Variants in EDA observed in about 807,000 individuals in gnomAD.
The protein encoded by EDA is ectodysplasin-A.
In EDA, 2 loss-of-function variants were observed where a neutral mutation model predicts 23.6. The ratio of observed to expected loss-of-function variants is 0.08; its 90% confidence interval spans 0.03 to 0.27. The LOEUF (loss-of-function observed/expected upper bound fraction) is 0.27. EDA is among the 10% of genes least tolerant of loss of function. The probability of loss-of-function intolerance (pLI) is 1.00; values close to 1 mark genes in which losing one functional copy is unlikely to be tolerated. For synonymous variants in EDA, 131 were observed against 132.0 expected (o/e 0.99, Z 0.05); for missense variants, 229 against 324.2 (o/e 0.71, Z 2.26).
At chrX:69,765,084 A>G (rs1438263727) in intron 1 of EDA, among the ~76,000 whole-genome samples, 5 of 112,167 alleles carry the variant, frequency 4.5e-5, no homozygotes, top group Non-Finnish European at 9.4e-5. Context: ...AAGAAGAGGG[A>G]CAATCATTTA....
intron 2 of EDA, among the ~76,000 whole-genome samples, chrX:69,988,373 TGTACATTTTTAAATAACCAAAAGA>T (rs1181181011): frequency 1.8e-5 from 2 of 111,835 alleles, no homozygotes; most frequent in Non-Finnish European, 3.8e-5. Flanking sequence ...ATAATTTAAC[TGTACATTTTTAAATAACCAAAAGA>T]GTATAAGTGG....
chrX:69,842,776 T>G, intron 1 of EDA, among the ~76,000 whole-genome samples: 1 of 111,565 alleles, frequency 9.0e-6, no homozygotes, highest in Non-Finnish European at 1.9e-5. Context: ...GTACTTGTGA[T>G]AGAGTCCTAA....
At chrX:70,033,606 G>A in intron 7 of EDA, 78 bp downstream of exon 7, 1 of 1,142,368 alleles carries the variant, frequency 8.8e-7, no homozygotes, top group Non-Finnish European at 1.2e-6. Context: ...GCACTGTGGA[G>A]CCAGCCAAGA....
intron 1 of EDA, among the ~76,000 whole-genome samples, chrX:69,891,525 A>G (rs1450064166): frequency 8.9e-6 from 1 of 111,948 alleles, no homozygotes; most frequent in African/African-American, 3.2e-5. Flanking sequence ...ATGCTCCTCA[A>G]CCATAGACTG....
At chrX:69,939,991 G>C (rs68183758) in intron 1 of EDA, among the ~76,000 whole-genome samples, 1 of 111,253 alleles carries the variant, frequency 9.0e-6, no homozygotes, top group Non-Finnish European at 1.9e-5. Context: ...CAGTTTGCTA[G>C]TATTTTGTTG....
intron 1 of EDA, among the ~76,000 whole-genome samples, chrX:69,934,072 G>T (rs1329421986): frequency 9.0e-6 from 1 of 111,591 alleles, no homozygotes; most frequent in East Asian, 2.8e-4. Flanking sequence ...CATAATGTGT[G>T]TAGGGGTTGA....
chrX:69,970,651 T>C (rs2019234929), intron 2 of EDA, among the ~76,000 whole-genome samples: 1 of 111,859 alleles, frequency 8.9e-6, no homozygotes, highest in Non-Finnish European at 1.9e-5. Flanking sequence ...AACATCTCAC[T>C]ATATGGTCCA....
intron 1 of EDA, among the ~76,000 whole-genome samples, chrX:69,623,533 G>C (rs1242739672): frequency 9.0e-6 from 1 of 111,552 alleles, no homozygotes; most frequent in Non-Finnish European, 1.9e-5. Context: ...ATTTTGGGGG[G>C]AACACAAACA....
At chrX:69,710,024 G>T (rs1029963422) in intron 1 of EDA, among the ~76,000 whole-genome samples, 9 of 111,522 alleles carry the variant, frequency 8.1e-5, no homozygotes, top group Non-Finnish European at 1.7e-4. Flanking sequence ...GTCAATTTTG[G>T]CTTTTGTTGC....
At chrX:69,722,524 C>T (rs1444774487) in intron 1 of EDA, among the ~76,000 whole-genome samples, 1 of 111,928 alleles carries the variant, frequency 8.9e-6, no homozygotes. Context: ...ATTTTTCTTT[C>T]TCTTTGTTAC....
At chrX:69,939,583 C>T (rs1356745369) in intron 1 of EDA, among the ~76,000 whole-genome samples, 1 of 111,507 alleles carries the variant, frequency 9.0e-6, no homozygotes, top group Non-Finnish European at 1.9e-5. Flanking sequence ...TTATATCTTT[C>T]TCTCATCCAA....
chrX:69,749,743 G>A (rs2013750522), intron 1 of EDA: 1 of 111,015 alleles, frequency 9.0e-6, no homozygotes, highest in African/African-American at 3.3e-5. Context: ...CCCAGAGACA[G>A]GTAAAGTATC....
Position 69,958,975 on chromosome X carries a change from C to G in EDA, c.502+1843C>G, listed in dbSNP as rs948070483. Among the ~76,000 whole-genome samples, 6 of 111,239 alleles carry G rather than the reference C, an allele frequency of 5.4e-5. No individual in the cohort carries two copies. The Admixed American group carries it at 5.8e-4, about 11-fold the overall frequency. On this transcript the variant is annotated intron_variant, in intron 2 of 7. Transcript: ENST00000374552. ...TTCCCTCCCTCTCTGAGTGGTAAGT[C>G]TAATGGCTTCTAAGGTTTACCTCTT...
intron 1 of EDA, among the ~76,000 whole-genome samples, chrX:69,828,972 C>T (rs2016538685): frequency 8.9e-6 from 1 of 112,286 alleles, no homozygotes; most frequent in Admixed American, 9.5e-5. Context: ...CAAATGCCAT[C>T]GTTTCAGAAA....
intron 1 of EDA, among the ~76,000 whole-genome samples, chrX:69,848,657 G>A (rs894537077): frequency 1.8e-5 from 2 of 111,474 alleles, no homozygotes; most frequent in Admixed American, 9.6e-5. Flanking sequence ...GTTTCACCAA[G>A]TATATTCTGA....
At position 70,035,632 on chromosome X, in the gene EDA, CCG is replaced by C. The variant is rs750079207; in HGVS notation, c.*24_*25del. On this transcript the variant is annotated 3_prime_UTR_variant, in exon 8 of 8. Transcript: ENST00000374552. ...TAGATTCCCCCCATTTTGCCTCTGT[CCG>C]TGCCCCTTCCCTGGGTTTGGGAGCC... The C allele has an allele frequency of 1.7e-6, 2 of 1,205,902 alleles. No homozygotes were observed.
chrX:69,635,629 C>T (rs1932759995), intron 1 of EDA, among the ~76,000 whole-genome samples: 1 of 95,045 alleles, frequency 1.1e-5, no homozygotes, highest in Non-Finnish European at 2.0e-5. Context: ...AGTGCAGTGG[C>T]ATCATCTCGG....
chrX:69,869,400 G>A (rs2017532568), intron 1 of EDA, among the ~76,000 whole-genome samples: 1 of 111,027 alleles, frequency 9.0e-6, no homozygotes. Context: ...CCTTTCCCCA[G>A]TGCACAGTTA....
At chrX:69,655,224 C>T (rs577698614) in intron 1 of EDA, among the ~76,000 whole-genome samples, 6 of 111,224 alleles carry the variant, frequency 5.4e-5, no homozygotes, top group South Asian at 7.7e-4. Context: ...GGAGAAACCC[C>T]GTCTCTACTA....
Sources: allele counts gnomAD v4.1 joint callset (sites outside exome capture counted in the v4.1 genomes callset), GRCh38; gene constraint gnomAD v4.1.1; transcripts MANE v1.5; gene names NCBI Gene and HGNC (gene_info 2026-07-23, HGNC 2026-07-21).